The following B4GALNT2 variants were observed in gnomAD, a reference collection of about 807,000 sequenced individuals.
B4GALNT2 encodes the protein beta-1,4-N-acetyl-galactosaminyltransferase 2 (SID blood group), also known as N-acetylneuraminylgalactosylglucosyl-glucoside beta-1,4-N- acetylgalactosaminyltransferase 2.
Under a neutral mutation model 51.1 loss-of-function variants are expected in B4GALNT2, and 42 were observed. The ratio of observed to expected loss-of-function variants is 0.82; its 90% confidence interval spans 0.64 to 1.06. The LOEUF (loss-of-function observed/expected upper bound fraction) is 1.06, where lower values mean the gene tolerates loss of function less well. B4GALNT2 is among the 50% of genes least tolerant of loss of function. The pLI, the probability that B4GALNT2 is intolerant of heterozygous loss-of-function variation, is 0.00. For missense variants in B4GALNT2, 602 were observed against 633.6 expected (o/e 0.95, Z 0.54); for synonymous variants, 253 against 251.7 (o/e 1.01, Z -0.05).
At position 49,164,202 on chromosome 17, in the gene B4GALNT2, T is replaced by C; in HGVS notation, c.881T>C (p.Val294Ala). Residue 294 changes from valine (V) to alanine (A), a missense_variant, in exon 8 of 11, where the codon GTG becomes GCG. Transcript: ENST00000393354. ...TATTACCCAGACTTGACCGTAATAGTGGCTGATGACAGCCAGAAGCCCCTG... is the reference window on the plus strand; with the variant it reads ...TATTACCCAGACTTGACCGTAATAGCGGCTGATGACAGCCAGAAGCCCCTG... ...REYYPDLTVI[V>A]ADDSQKPLEI... is the part of the protein sequence containing the mutation. The C allele has an allele frequency of 6.2e-7, 1 of 1,613,826 alleles. No homozygotes were observed. The highest frequency in any genetic ancestry group is 8.5e-7 in the Non-Finnish European group (1 of 1,179,716).
In B4GALNT2 at chr17:49,172,300, G is replaced by A. The variant is rs1360989244; in HGVS notation, c.*2572G>A. Reference sequence around the variant, plus strand: ...GCATCTGGCTCGTGGCAAGGTTTCAGGTGTCTTGATGGCACCCAAATTGGC... The same window carrying A: ...GCATCTGGCTCGTGGCAAGGTTTCAAGTGTCTTGATGGCACCCAAATTGGC... On this transcript the variant is annotated 3_prime_UTR_variant, in exon 11 of 11. Transcript: ENST00000393354. 1 of 173,372 alleles carries A rather than the reference G, an allele frequency of 5.8e-6. No individual in the cohort carries two copies. The highest frequency in any genetic ancestry group is 2.4e-5 in the African/African-American group (1 of 41,966). The allele number at this position is 173,372 out of a possible 1,614,324, so 10.7% of individuals were successfully genotyped here.
intron 9 of B4GALNT2, among the ~76,000 whole-genome samples, chr17:49,166,566 CAGG>C (rs2042913505): frequency 6.6e-6 from 1 of 152,156 alleles, no homozygotes. Flanking sequence ...AGATTAAAGA[CAGG>C]AGCATTCTGG....
At chr17:49,140,183 C>G (rs2074238804) in intron 1 of B4GALNT2, among the ~76,000 whole-genome samples, 1 of 151,846 alleles carries the variant, frequency 6.6e-6, no homozygotes, top group Non-Finnish European at 1.5e-5. Flanking sequence ...TCACTGCGAC[C>G]TCCGCCTCCC....
chr17:49,157,508 G>C (rs936875107), intron 5 of B4GALNT2, among the ~76,000 whole-genome samples: 3 of 152,122 alleles, frequency 2.0e-5, no homozygotes, highest in Non-Finnish European at 4.4e-5. Flanking sequence ...TTTTAGTAGA[G>C]ACAGGGTTTC....
chr17:49,147,374 C>CTT (rs1475311406), intron 3 of B4GALNT2, among the ~76,000 whole-genome samples: 96 of 143,944 alleles, frequency 6.7e-4, no homozygotes, highest in African/African-American at 2.1e-3. Context: ...TCTTTTCTTT[C>CTT]TTTCTTTTTT....
At chr17:49,167,144 C>T (rs761949574) in intron 9 of B4GALNT2, among the ~76,000 whole-genome samples, 3 of 146,670 alleles carry the variant, frequency 2.0e-5, no homozygotes, top group Admixed American at 6.9e-5. Flanking sequence ...GACCAGATCA[C>T]GATAACTTAA....
chr17:49,139,419 A>G (rs1169478023), intron 1 of B4GALNT2, among the ~76,000 whole-genome samples: 1 of 151,704 alleles, frequency 6.6e-6, no homozygotes, highest in Non-Finnish European at 1.5e-5. Flanking sequence ...TTTTTTCAGT[A>G]GAGACATTCA....
At position 49,140,186 on chromosome 17, in the gene B4GALNT2, C is replaced by T. The variant is rs112912189; in HGVS notation, c.15-1061C>T. Among the ~76,000 whole-genome samples the T allele has an allele frequency of 8.3e-4, 126 of 151,934 alleles. 3 individuals carry two copies. The highest frequency in any genetic ancestry group is 2.7e-3 in the African/African-American group (110 of 41,458). ...CGTGATCTCAGCTCACTGCGACCTC[C>T]GCCTCCCAGGTTCACACCATTCTCC... On this transcript the variant is annotated intron_variant, in intron 1 of 10. Coordinates refer to ENST00000393354, the MANE Select transcript of B4GALNT2 (RefSeq NM_001159387.2).
rs563393985 is a variant in B4GALNT2, at chr17:49,133,075, C to T, written c.14+269C>T. 2.7e-5 allele frequency: 41 copies of T among 1,506,368 alleles called. No individual in the cohort carries two copies. The highest frequency in any genetic ancestry group is 7.4e-5 in the African/African-American group (5 of 67,670). The allele number at this position is 1,506,368 out of a possible 1,614,324, so 93.3% of individuals were successfully genotyped here. Reference sequence around the variant, plus strand: ...GGAAAATTCCACGTGGAAGTGGCCTCTCGCGGCCGGGAATGTGTCTCGGGG... The same window carrying T: ...GGAAAATTCCACGTGGAAGTGGCCTTTCGCGGCCGGGAATGTGTCTCGGGG... On this transcript the variant is annotated intron_variant, in intron 1 of 10. Coordinates refer to ENST00000393354, the MANE Select transcript of B4GALNT2 (RefSeq NM_001159387.2).
At position 49,171,593 on chromosome 17, in the gene B4GALNT2, G is replaced by A. The variant is rs904538974; in HGVS notation, c.*1865G>A. 7.5e-5 allele frequency: 31 copies of A among 412,024 alleles called. No individual in the cohort carries two copies. Among genetic ancestry groups the A allele is most frequent in the African/African-American group, 2.3e-4 (11 of 47,640 alleles). 25.5% of individuals were successfully genotyped at this position (412,024 alleles called of 1,614,324 possible). On this transcript the variant is annotated 3_prime_UTR_variant, in exon 11 of 11. Coordinates refer to ENST00000393354, the MANE Select transcript of B4GALNT2 (RefSeq NM_001159387.2). Reference sequence around the variant, plus strand: ...TTTGAGGTTGAGGTGCCACTATACCGCCACGTTTCCAGATAATGGGAACTC... The same window carrying A: ...TTTGAGGTTGAGGTGCCACTATACCACCACGTTTCCAGATAATGGGAACTC...
At chr17:49,137,720 T>C (rs2042603426) in intron 1 of B4GALNT2, among the ~76,000 whole-genome samples, 1 of 152,144 alleles carries the variant, frequency 6.6e-6, no homozygotes, top group Admixed American at 6.5e-5. Context: ...AATTGTTCCC[T>C]CCCATTCTTT....
At chr17:49,129,694 C>A (rs144713767), upstream of B4GALNT2, among the ~76,000 whole-genome samples, 1 of 134,304 alleles carries the variant, frequency 7.4e-6, no homozygotes, top group Non-Finnish European at 1.6e-5. Context: ...TTATCACAAG[C>A]TTGGAATATT....
intron 3 of B4GALNT2, among the ~76,000 whole-genome samples, chr17:49,147,295 G>A (rs1339785852): frequency 6.6e-6 from 1 of 151,950 alleles, no homozygotes; most frequent in Non-Finnish European, 1.5e-5. Flanking sequence ...AGCAGCATGT[G>A]TAATGCTCCT....
chr17:49,141,194 A>G, intron 1 of B4GALNT2, 53 bp from the exon 2 acceptor site: 1 of 1,527,120 alleles, frequency 6.5e-7, no homozygotes, highest in South Asian at 1.1e-5. Flanking sequence ...CATATACATT[A>G]CATAATCAAG....
rs2042558446 is a variant in B4GALNT2 at position 49,133,300 on chromosome 17, G to T, written c.14+494G>T. On this transcript the variant is annotated intron_variant, in intron 1 of 10. Transcript: ENST00000393354. Reference sequence around the variant, plus strand: ...CGGCTTGGTCTCCTCCACAGTCCGCGCGGAGTCAGGGAAAAGTCGGTTTTC... The same window carrying T: ...CGGCTTGGTCTCCTCCACAGTCCGCTCGGAGTCAGGGAAAAGTCGGTTTTC... The T allele has an allele frequency of 4.3e-6, 6 of 1,399,764 alleles. No homozygotes were observed. In the South Asian group the frequency reaches 9.4e-5, roughly 22 times the overall value. The allele number at this position is 1,399,764 out of a possible 1,614,324, so 86.7% of individuals were successfully genotyped here. A position where few individuals can be genotyped will look rare whatever the true frequency, so the allele number is the denominator to read the frequency against.
rs200502885 is a variant in B4GALNT2 at position 49,159,171 on chromosome 17, C to A, written c.633C>A (p.His211Gln). The change falls in exon 6 of 11, where the codon CAC becomes CAA. Residue 211 changes from histidine (H) to glutamine (Q), a missense_variant. Transcript: ENST00000393354. ...DRKLLKFILQ[H>Q]VTYTSTGYQH... ...AGCTGTTGAAGTTCATTCTTCAGCA[C>A]GTGACATACACCAGCACGGGGTACC... The A allele has an allele frequency of 5.6e-6, 9 of 1,614,040 alleles. No homozygotes were observed. In the African/African-American group the frequency reaches 9.3e-5, roughly 17 times the overall value.
At position 49,174,010 on chromosome 17, in the gene B4GALNT2, T is replaced by A. The variant is rs2042973483; in HGVS notation, c.*4282T>A. ...TAGAGTAGGTCATATCCAATTAATG[T>A]CCCCTGGTAATTTTTGAAAGTCATT... is the stretch of plus-strand genomic sequence containing the variant. On this transcript the variant is annotated 3_prime_UTR_variant, in exon 11 of 11. Transcript: ENST00000393354. 6.6e-6 allele frequency: 1 copy of A among 152,190 alleles called. No individual in the cohort carries two copies. Among genetic ancestry groups the A allele is most frequent in the Admixed American group, 6.5e-5 (1 of 15,274 alleles). The allele number at this position is 152,190 out of a possible 1,614,324, so 9.4% of individuals were successfully genotyped here.
the B4GALNT2 span, among the ~76,000 whole-genome samples, chr17:49,122,918 A>C: frequency 6.6e-6 from 1 of 152,242 alleles, no homozygotes; most frequent in African/African-American, 2.4e-5. Flanking sequence ...GAAAATTTCC[A>C]TTAAAAGGTT....
intron 3 of B4GALNT2, chr17:49,148,526 TA>T: frequency 2.8e-6 from 1 of 360,970 alleles, no homozygotes; most frequent in Non-Finnish European, 5.4e-6. Context: ...AGCTGTGGCA[TA>T]AGGTGGCAAG....
Sources: allele counts gnomAD v4.1 joint callset (sites outside exome capture counted in the v4.1 genomes callset), GRCh38; gene constraint gnomAD v4.1.1; transcripts MANE v1.5; gene names NCBI Gene and HGNC (gene_info 2026-07-23, HGNC 2026-07-21).